GALK2: variants seen among roughly 807,000 people sequenced by gnomAD.
The protein encoded by GALK2 is galactokinase 2.
Under a neutral mutation model 52.4 loss-of-function variants are expected in GALK2, and 36 were observed. The ratio of observed to expected loss-of-function variants is 0.69; its 90% CI spans 0.53 to 0.91. The LOEUF is 0.91. GALK2 is among the 40% of genes least tolerant of loss of function. The probability of loss-of-function intolerance (pLI) is 0.00; values close to 1 mark genes in which losing one functional copy is unlikely to be tolerated. For synonymous variants in GALK2, 176 were observed against 199.1 expected (o/e 0.88, Z 0.98); for missense variants, 579 against 559.1 (o/e 1.04, Z -0.36).
At chr15:49,184,538 TA>T (rs754765295) in intron 1 of GALK2, among the ~76,000 whole-genome samples, 113 of 152,320 alleles carry the variant, frequency 7.4e-4, no homozygotes, top group Non-Finnish European at 1.5e-3. Flanking sequence ...TGTTGTTTTG[TA>T]GTCTTCTCTT....
chr15:49,309,376 A>G (rs1271359421), intron 8 of GALK2, among the ~76,000 whole-genome samples: 1 of 152,178 alleles, frequency 6.6e-6, no homozygotes, highest in Admixed American at 6.5e-5. Flanking sequence ...ATTACTAAAA[A>G]CATAATGATT....
chr15:49,201,053 A>AGTGG, intron 1 of GALK2, 109 bp from the exon 2 acceptor site: 1 of 399,980 alleles, frequency 2.5e-6, no homozygotes, highest in Non-Finnish European at 4.4e-6. Context: ...AGGCATATGG[A>AGTGG]GTGTGTGTGT....
Position 49,228,687 on chromosome 15 carries a change from A to ATTTTTT in GALK2, c.267-7145_267-7140dup, listed in dbSNP as rs1174406561. On this transcript the variant is annotated intron_variant, in intron 3 of 9. Coordinates refer to ENST00000560031, the MANE Select transcript of GALK2 (RefSeq NM_002044.4). Reference sequence around the variant, plus strand: ...TATATATATATATATATATATATATATTTTTTTTTTTTTTTTTTTTTTTTG... The same window carrying ATTTTTT: ...TATATATATATATATATATATATATATTTTTTTTTTTTTTTTTTTTTTTTTTTTTTG... Among the ~76,000 whole-genome samples, 8 of 14,274 alleles carry ATTTTTT rather than the reference A, an allele frequency of 5.6e-4. 1 individual carries two copies. Among genetic ancestry groups the ATTTTTT allele is most frequent in the Non-Finnish European group, 7.0e-4 (6 of 8,568 alleles). The allele number at this position is 14,274 out of a possible 152,430, so 9.4% of individuals were successfully genotyped here.
intron 9 of GALK2, among the ~76,000 whole-genome samples, chr15:49,324,217 A>G (rs867415667): frequency 2.6e-5 from 4 of 152,182 alleles, no homozygotes; most frequent in African/African-American, 4.8e-5. Context: ...TGGATCAACT[A>G]TGATTACAAA....
intron 5 of GALK2, among the ~76,000 whole-genome samples, chr15:49,248,448 G>A (rs1008360296): frequency 6.6e-6 from 1 of 152,168 alleles, no homozygotes; most frequent in Non-Finnish European, 1.5e-5. Context: ...CCTCTGAAAA[G>A]ATGGTAAATC....
At position 49,293,007 on chromosome 15, in the gene GALK2, T is replaced by C. The variant is rs574288529; in HGVS notation, c.967+470T>C. On this transcript the variant is annotated intron_variant, in intron 8 of 9. Coordinates refer to ENST00000560031, the MANE Select transcript of GALK2 (RefSeq NM_002044.4). ...TAACTTTATTTTTATACCAATAACA[T>C]CAGAAACTGAGATGAAGCCCAGGTA... Among the ~76,000 whole-genome samples the C allele has an allele frequency of 4.6e-5, 7 of 152,292 alleles. No homozygotes were observed. The South Asian group carries it at 8.3e-4, about 18-fold the overall frequency.
intron 3 of GALK2, among the ~76,000 whole-genome samples, chr15:49,229,618 G>C (rs1426324592): frequency 1.3e-5 from 2 of 152,190 alleles, no homozygotes; most frequent in African/African-American, 4.8e-5. Flanking sequence ...CTTAGGCATA[G>C]GGGTGGAGTC....
chr15:49,317,309 A>T (rs1055539663), intron 8 of GALK2, among the ~76,000 whole-genome samples: 1 of 152,006 alleles, frequency 6.6e-6, no homozygotes, highest in Non-Finnish European at 1.5e-5. Flanking sequence ...CGTGAAAAAA[A>T]GTGCATCATC....
At chr15:49,246,891 G>C (rs79985541) in intron 5 of GALK2, among the ~76,000 whole-genome samples, 27 of 152,196 alleles carry the variant, frequency 1.8e-4, no homozygotes, top group African/African-American at 6.5e-4. Context: ...GTTGTTCTAG[G>C]CACTGGAAAT....
chr15:49,341,729 G>T (rs1032147073), intron 3 of GALK2, among the ~76,000 whole-genome samples: 6 of 152,134 alleles, frequency 3.9e-5, no homozygotes, highest in African/African-American at 1.4e-4. Flanking sequence ...GCATCCCAGA[G>T]ATTTTGGTAT....
At chr15:49,241,109 G>A (rs2091071530) in intron 5 of GALK2, among the ~76,000 whole-genome samples, 2 of 152,082 alleles carry the variant, frequency 1.3e-5, no homozygotes, top group South Asian at 2.1e-4. Flanking sequence ...AGAGATATGG[G>A]GGAAAAATAG....
At chr15:49,171,296 G>T (rs1326280213) in intron 1 of GALK2, among the ~76,000 whole-genome samples, 1 of 152,002 alleles carries the variant, frequency 6.6e-6, no homozygotes, top group African/African-American at 2.4e-5. Context: ...TGGTCAGGCT[G>T]GTCTCGAGCT....
chr15:49,236,046 C>T lies in GALK2; in HGVS notation c.357+105C>T, dbSNP rs984315805. ...TTTTTCATCTCCTTACAGTACTAAC[C>T]GATGCTTCTGTTCTATTTTGCTAGT... On this transcript the variant is annotated intron_variant, in intron 4 of 9. Coordinates refer to ENST00000560031, the MANE Select transcript of GALK2 (RefSeq NM_002044.4). 5.7e-4 allele frequency: 418 copies of T among 730,050 alleles called. 5 individuals carry two copies. Among genetic ancestry groups the T allele is most frequent in the South Asian group, 1.8e-4 (11 of 59,822 alleles). 45.2% of individuals were successfully genotyped at this position (730,050 alleles called of 1,614,324 possible).
upstream of GALK2, chr15:49,170,180 T>A (rs2084967177): frequency 6.8e-7 from 1 of 1,469,802 alleles, no homozygotes; most frequent in African/African-American, 1.4e-5. Flanking sequence ...AGCAGCCACC[T>A]CAGCGAAGCT....
chr15:49,334,775 G>A, downstream of GALK2, among the ~76,000 whole-genome samples: 1 of 152,044 alleles, frequency 6.6e-6, no homozygotes, highest in Non-Finnish European at 1.5e-5. Context: ...CAAAAGGGAG[G>A]ATCATCCTTT....
At chr15:49,186,547 T>C (rs1466449263) in intron 1 of GALK2, among the ~76,000 whole-genome samples, 2 of 149,372 alleles carry the variant, frequency 1.3e-5, no homozygotes, top group Admixed American at 6.6e-5. Flanking sequence ...TTTTTCTTTT[T>C]TTTTTTTTTT....
At chr15:49,341,948 G>A (rs1365700215) in intron 3 of GALK2, among the ~76,000 whole-genome samples, 5 of 152,120 alleles carry the variant, frequency 3.3e-5, no homozygotes, top group African/African-American at 9.7e-5. Context: ...CTTTATGGCC[G>A]AGCATGTGGT....
At chr15:49,257,629 TA>T (rs1407140138) in intron 5 of GALK2, among the ~76,000 whole-genome samples, 1 of 152,130 alleles carries the variant, frequency 6.6e-6, no homozygotes, top group Non-Finnish European at 1.5e-5. Context: ...GTGTTGTAGT[TA>T]AAAATTATAA....
chr15:49,277,978 T>C (rs906911630), intron 5 of GALK2, among the ~76,000 whole-genome samples: 3 of 151,730 alleles, frequency 2.0e-5, no homozygotes, highest in Non-Finnish European at 4.4e-5. Flanking sequence ...AAATCGGGCA[T>C]AGGGCTGGGT....
Sources: allele counts gnomAD v4.1 joint callset (sites outside exome capture counted in the v4.1 genomes callset), GRCh38; gene constraint gnomAD v4.1.1; transcripts MANE v1.5; gene names NCBI Gene and HGNC (gene_info 2026-07-23, HGNC 2026-07-21).